PIAS1: variants seen among roughly 807,000 people sequenced by gnomAD.
The protein encoded by PIAS1 is protein inhibitor of activated STAT 1.
In PIAS1, 6 loss-of-function variants were observed where a neutral mutation model predicts 71.3. That is an observed-to-expected ratio of 0.08 (90% CI 0.05 to 0.17). The LOEUF is 0.17. PIAS1 is among the 10% of genes least tolerant of loss of function. The pLI is 1.00. For synonymous variants in PIAS1, 303 were observed against 292.9 expected, an observed-to-expected ratio of 1.03 and a Z score of -0.35; for missense variants, 555 against 793.6, an observed-to-expected ratio of 0.70 and a Z score of 3.61.
intron 2 of PIAS1, among the ~76,000 whole-genome samples, chr15:68,095,479 G>A (rs1001805073): frequency 6.0e-5 from 9 of 149,454 alleles, no homozygotes; most frequent in East Asian, 1.9e-4. Flanking sequence ...AAAAAAAGAC[G>A]TTTTGTTGAC....
At chr15:68,179,855 G>T (rs1000141961) in intron 11 of PIAS1, among the ~76,000 whole-genome samples, 2 of 151,954 alleles carry the variant, frequency 1.3e-5, no homozygotes, top group Admixed American at 1.3e-4. Flanking sequence ...TGGGATTACA[G>T]GTGTGAGCCA....
rs192260139 is a variant in PIAS1, at chr15:68,152,815, G to A, written c.829-775G>A. Among the ~76,000 whole-genome samples, 8 of 150,708 alleles carry A rather than the reference G, an allele frequency of 5.3e-5. No individual in the cohort carries two copies. The East Asian group carries it at 1.4e-3, about 26-fold the overall frequency. ...TTCCTACCCTTCGTGAACCTCAGCC[G>A]TCTTTTCTTTCTCTTACCCAACCAT... is the stretch of plus-strand genomic sequence containing the variant. On this transcript the variant is annotated intron_variant, in intron 6 of 13. Coordinates refer to ENST00000249636, the MANE Select transcript of PIAS1 (RefSeq NM_016166.3).
intron 2 of PIAS1, among the ~76,000 whole-genome samples, chr15:68,108,508 A>G (rs901486089): frequency 1.3e-5 from 2 of 152,092 alleles, no homozygotes; most frequent in Non-Finnish European, 2.9e-5. Flanking sequence ...GATGATTTGA[A>G]CTAGTCTCAA....
At chr15:68,168,950 G>A (rs1456896890) in intron 8 of PIAS1, among the ~76,000 whole-genome samples, 2 of 152,204 alleles carry the variant, frequency 1.3e-5, no homozygotes, top group African/African-American at 2.4e-5. Flanking sequence ...TATGTGAGAT[G>A]AAGGCCTTTG....
At chr15:68,143,249 C>T (rs900179823) in intron 4 of PIAS1, among the ~76,000 whole-genome samples, 2 of 152,014 alleles carry the variant, frequency 1.3e-5, no homozygotes. Flanking sequence ...AACAGTTAGC[C>T]TTGTCTCAAT....
At chr15:68,160,917 CT>C (rs1321621812) in intron 7 of PIAS1, among the ~76,000 whole-genome samples, 1 of 152,150 alleles carries the variant, frequency 6.6e-6, no homozygotes, top group Non-Finnish European at 1.5e-5. Flanking sequence ...ATATCTGCCC[CT>C]AGCGTTGCCC....
At chr15:68,181,409 A>G (rs2093052659) in intron 12 of PIAS1, 55 bp downstream of exon 12, 11 of 1,545,256 alleles carry the variant, frequency 7.1e-6, no homozygotes, top group South Asian at 3.4e-5. Flanking sequence ...CCTTTGATCT[A>G]TATAATTCTC....
intron 12 of PIAS1, among the ~76,000 whole-genome samples, chr15:68,182,424 T>TTGTGTG (rs1567080853): frequency 3.1e-5 from 2 of 63,844 alleles, no homozygotes; most frequent in East Asian, 1.0e-3. Flanking sequence ...AAGTTACAGC[T>TTGTGTG]AGTGTGTGTG....
chr15:68,150,293 A>G (rs192289437), intron 6 of PIAS1, among the ~76,000 whole-genome samples: 1 of 152,214 alleles, frequency 6.6e-6, no homozygotes, highest in East Asian at 1.9e-4. Context: ...GGAGGGGAAT[A>G]TGGCCGCTGA....
chr15:68,177,107 T>TGA (rs1321022405), intron 11 of PIAS1, among the ~76,000 whole-genome samples: 1 of 151,404 alleles, frequency 6.6e-6, no homozygotes, highest in East Asian at 1.9e-4. Context: ...TGGTGAAACC[T>TGA]CATCTCTACT....
chr15:68,152,899 CTT>C (rs71287005), intron 6 of PIAS1, among the ~76,000 whole-genome samples: 18 of 121,928 alleles, frequency 1.5e-4, no homozygotes, highest in Non-Finnish European at 2.3e-4. Flanking sequence ...TTTGGCTTTT[CTT>C]TTTTTTTTTT....
intron 1 of PIAS1, among the ~76,000 whole-genome samples, chr15:68,085,480 T>C (rs2092271808): frequency 6.6e-6 from 1 of 152,214 alleles, no homozygotes. Flanking sequence ...ATTGGGTTGC[T>C]GGACTTCTAG....
intron 1 of PIAS1, among the ~76,000 whole-genome samples, chr15:68,077,273 A>G (rs930217624): frequency 6.6e-6 from 1 of 152,218 alleles, no homozygotes; most frequent in Admixed American, 6.5e-5. Context: ...CCATGTTCAT[A>G]TTAAGAGGGA....
At chr15:68,128,933 T>TC (rs896698398) in intron 2 of PIAS1, among the ~76,000 whole-genome samples, 1 of 152,162 alleles carries the variant, frequency 6.6e-6, no homozygotes, top group African/African-American at 2.4e-5. Flanking sequence ...TAATTTTTTT[T>TC]CTCTTGGAAA....
Position 68,054,526 on chromosome 15 carries a change from G to GCGGGCCC in PIAS1, c.24+181_24+187dup. The GCGGGCCC allele has an allele frequency of 5.3e-6, 3 of 562,752 alleles. No individual in the cohort carries two copies. The highest frequency in any genetic ancestry group is 3.5e-5 in the East Asian group (1 of 28,888). 34.9% of individuals were successfully genotyped at this position (562,752 alleles called of 1,614,324 possible). A position where few individuals can be genotyped will look rare whatever the true frequency, so the allele number is the denominator to read the frequency against. ...AGAGGGGGCCCGCCTGCGGCGGGCC[G>GCGGGCCC]CGGGCCCCGGGTGCCTCGGGGGCGC... On this transcript the variant is annotated intron_variant, in intron 1 of 13. Coordinates refer to ENST00000249636, the MANE Select transcript of PIAS1 (RefSeq NM_016166.3). The surrounding 1 kb of genome is among the most constrained non-coding windows in gnomAD (Gnocchi z 4.6).
intron 11 of PIAS1, among the ~76,000 whole-genome samples, chr15:68,180,849 G>T (rs1166008936): frequency 6.6e-6 from 1 of 152,116 alleles, no homozygotes; most frequent in East Asian, 1.9e-4. Context: ...GTTTTAAAAG[G>T]GTTTCCGACT....
intron 11 of PIAS1, among the ~76,000 whole-genome samples, chr15:68,179,590 T>TTTTTTTTTTTG (rs2093041363): frequency 8.5e-6 from 1 of 117,524 alleles, no homozygotes. Context: ...TTTTTTTTTT[T>TTTTTTTTTTTG]TTGAGACAGA....
In PIAS1 at chr15:68,176,496, GCATCAGGTAGCGTCT is replaced by G. The variant is rs1567077533; in HGVS notation, c.1326_1340del (p.Gln443_His447del). On this transcript the variant is annotated inframe_deletion, in exon 11 of 14. Coordinates refer to ENST00000249636, the MANE Select transcript of PIAS1 (RefSeq NM_016166.3). The stretch of plus-strand genomic sequence containing the variant: ...TAGGATGCTTGAGCTCCACATTGGA[GCATCAGGTAGCGTCT>G]CACCACCAGTCCTCAAATAAAAACA... 1 of 1,605,236 alleles carries G rather than the reference GCATCAGGTAGCGTCT, an allele frequency of 6.2e-7. No individual in the cohort carries two copies. The highest frequency in any genetic ancestry group is 1.7e-5 in the Admixed American group (1 of 57,906).
intron 2 of PIAS1, among the ~76,000 whole-genome samples, chr15:68,095,820 C>G (rs1453278607): frequency 6.6e-6 from 1 of 152,182 alleles, no homozygotes; most frequent in Admixed American, 6.5e-5. Context: ...CGTGAGCCAC[C>G]ACGCCTGGCC....
Sources: gnomAD v4.1 joint callset for allele counts (sites outside exome capture counted in the v4.1 genomes callset) on GRCh38, gnomAD v4.1.1 for gene constraint, Gnocchi (gnomAD v3.1) non-coding constraint, MANE v1.5 for transcripts, NCBI Gene and HGNC (gene_info 2026-07-23, HGNC 2026-07-21) for gene names.